The following NOL10 variants were observed in gnomAD, a reference collection of about 807,000 sequenced individuals.
NOL10 encodes H_NH0074G24.1.
NOL10 carries 58 observed loss-of-function variants against 103.5 expected under a neutral mutation model. That is an observed-to-expected ratio of 0.56 (90% CI 0.45 to 0.70). The LOEUF is 0.70. Ranked by LOEUF, NOL10 falls within the 30% of genes least tolerant of loss-of-function variation. The pLI, the probability that NOL10 is intolerant of heterozygous loss-of-function variation, is 0.00. For synonymous variants in NOL10, 287 were observed against 282.5 expected, an observed-to-expected ratio of 1.02 and a Z score of -0.16; for missense variants, 763 against 807.3, an observed-to-expected ratio of 0.95 and a Z score of 0.67.
At chr2:10,623,648 G>A (rs954622783) in intron 13 of NOL10, among the ~76,000 whole-genome samples, 2 of 152,106 alleles carry the variant, frequency 1.3e-5, no homozygotes, top group Non-Finnish European at 2.9e-5. Context: ...TCCTGGCACA[G>A]GAAAGATGCT....
chr2:10,637,051 A>T (rs1274217854), intron 13 of NOL10, among the ~76,000 whole-genome samples: 4 of 151,930 alleles, frequency 2.6e-5, no homozygotes, highest in Non-Finnish European at 4.4e-5. Context: ...AAAATACAAA[A>T]ATTAGTCAGG....
At chr2:10,587,204 CACAT>C (rs376388209) in intron 19 of NOL10, among the ~76,000 whole-genome samples, 1,012 of 34,304 alleles carry the variant, frequency 0.03, 248 homozygotes, top group Non-Finnish European at 0.037. Flanking sequence ...CATATATATA[CACAT>C]ATATATATAC....
At chr2:10,591,874 A>G (rs1000116983) in intron 17 of NOL10, among the ~76,000 whole-genome samples, 3 of 152,114 alleles carry the variant, frequency 2.0e-5, no homozygotes, top group Non-Finnish European at 4.4e-5. Context: ...GTGGTGGTGC[A>G]TGCCTGTAGT....
At chr2:10,662,411 G>A (rs1680271112) in intron 9 of NOL10, among the ~76,000 whole-genome samples, 1 of 152,158 alleles carries the variant, frequency 6.6e-6, no homozygotes, top group South Asian at 2.1e-4. Flanking sequence ...CTGAGGTTAT[G>A]TTTTCTGTAG....
At position 10,589,559 on chromosome 2, in the gene NOL10, CTGA is replaced by C. The variant is rs773719681; in HGVS notation, c.1596+16_1596+18del. Reference sequence around the variant, plus strand: ...TTAAAGAAACAGTAGCAAATTCTAACTGATAAGGAGTACATTACTTTTTCACGA... The same window carrying C: ...TTAAAGAAACAGTAGCAAATTCTAACTAAGGAGTACATTACTTTTTCACGA... On this transcript the variant is annotated intron_variant, in intron 18 of 20. Coordinates refer to ENST00000381685, the MANE Select transcript of NOL10 (RefSeq NM_024894.4). The C allele has an allele frequency of 6.6e-7, 1 of 1,519,764 alleles. No homozygotes were observed. Among genetic ancestry groups the C allele is most frequent in the Admixed American group, 2.3e-5 (1 of 43,850 alleles). 94.1% of individuals were successfully genotyped at this position (1,519,764 alleles called of 1,614,324 possible). A position where few individuals can be genotyped will look rare whatever the true frequency, so the allele number is the denominator to read the frequency against.
At chr2:10,582,225 G>T (rs148659715) in intron 19 of NOL10, among the ~76,000 whole-genome samples, 3 of 152,140 alleles carry the variant, frequency 2.0e-5, no homozygotes, top group South Asian at 4.1e-4. Flanking sequence ...AATTCACAAA[G>T]TGGATAATGT....
intron 12 of NOL10, among the ~76,000 whole-genome samples, chr2:10,652,223 G>C (rs1679515252): frequency 6.6e-6 from 1 of 150,654 alleles, no homozygotes; most frequent in Non-Finnish European, 1.5e-5. Context: ...CTGGGGGACA[G>C]AGGGAGACTC....
At chr2:10,664,793 C>A (rs1372687957) in intron 8 of NOL10, among the ~76,000 whole-genome samples, 1 of 152,196 alleles carries the variant, frequency 6.6e-6, no homozygotes, top group Non-Finnish European at 1.5e-5. Context: ...ACTCGCACTT[C>A]CAAAGAGCTG....
intron 14 of NOL10, 129 bp from the exon 15 acceptor site, chr2:10,603,286 A>G: frequency 1.5e-6 from 1 of 660,996 alleles, no homozygotes; most frequent in Non-Finnish European, 2.6e-6. Context: ...GATTAGAATT[A>G]CTAATCTTCT....
intron 20 of NOL10, 139 bp from the exon 21 acceptor site, chr2:10,572,329 G>T (rs1674221868): frequency 4.4e-6 from 4 of 899,072 alleles, no homozygotes; most frequent in Non-Finnish European, 6.8e-6. Context: ...GGCTCCAGGG[G>T]ACATGGTGGG....
rs540359742 is a variant in NOL10, at chr2:10,684,557, C to T, written c.112+10G>A. 1.9e-6 allele frequency: 3 copies of T among 1,570,236 alleles called. No homozygotes were observed. Among genetic ancestry groups the T allele is most frequent in the Non-Finnish European group, 2.6e-6 (3 of 1,155,864 alleles). ...CTAACGCAGCTGAAGTGGGAAAAAA[C>T]AATACTCACCTACATCTTTCTTCTG... is the stretch of plus-strand genomic sequence containing the variant. On this transcript the variant is annotated intron_variant, in intron 2 of 20. Coordinates refer to ENST00000381685, the MANE Select transcript of NOL10 (RefSeq NM_024894.4).
intron 17 of NOL10, among the ~76,000 whole-genome samples, chr2:10,599,585 A>G (rs553537878): frequency 4.1e-4 from 63 of 152,366 alleles, no homozygotes; most frequent in African/African-American, 1.5e-3. Flanking sequence ...CAACATTGGC[A>G]TACTATTCAT....
At chr2:10,657,276 G>A (rs1156930527) in intron 11 of NOL10, among the ~76,000 whole-genome samples, 1 of 151,648 alleles carries the variant, frequency 6.6e-6, no homozygotes, top group Non-Finnish European at 1.5e-5. Flanking sequence ...TGAGATCATG[G>A]CACTGCACTC....
At chr2:10,666,198 T>C (rs1680556879) in intron 8 of NOL10, among the ~76,000 whole-genome samples, 1 of 152,222 alleles carries the variant, frequency 6.6e-6, no homozygotes, top group African/African-American at 2.4e-5. Context: ...TGCATCCATG[T>C]TGCTGCAAAG....
At chr2:10,668,636 C>T in intron 7 of NOL10, 22 bp downstream of exon 7, 1 of 1,230,644 alleles carries the variant, frequency 8.1e-7, no homozygotes, top group Non-Finnish European at 1.1e-6. Context: ...ATGTATATAG[C>T]AGAATTACTA....
chr2:10,576,734 A>G (rs1289702908), intron 20 of NOL10, among the ~76,000 whole-genome samples: 1 of 152,198 alleles, frequency 6.6e-6, no homozygotes, highest in African/African-American at 2.4e-5. Flanking sequence ...GGTAAATGCT[A>G]AAGGGTATAG....
intron 17 of NOL10, among the ~76,000 whole-genome samples, chr2:10,594,578 G>A (rs892851561): frequency 2.0e-5 from 3 of 152,174 alleles, no homozygotes; most frequent in African/African-American, 7.2e-5. Context: ...ACATAGAATT[G>A]GGTGTTGATT....
At chr2:10,671,737 T>A (rs1251643249) in intron 5 of NOL10, 47 bp from the exon 6 acceptor site, 1 of 1,427,060 alleles carries the variant, frequency 7.0e-7, no homozygotes, top group Non-Finnish European at 9.5e-7. Flanking sequence ...TCTAGTTAGG[T>A]GTTTACTTCA....
chr2:10,605,430 T>C (rs1405865278), intron 14 of NOL10, among the ~76,000 whole-genome samples: 2 of 152,216 alleles, frequency 1.3e-5, no homozygotes, highest in Non-Finnish European at 2.9e-5. Flanking sequence ...TTTTATATAT[T>C]ATGGGGAAAT....
Sources: gnomAD v4.1 joint callset for allele counts (sites outside exome capture counted in the v4.1 genomes callset) on GRCh38, gnomAD v4.1.1 for gene constraint, MANE v1.5 for transcripts, NCBI Gene and HGNC (gene_info 2026-07-23, HGNC 2026-07-21) for gene names.